CDH12: variants seen among roughly 807,000 people sequenced by gnomAD.
CDH12 encodes cadherin-12.
Under a neutral mutation model 74.1 loss-of-function variants are expected in CDH12, and 41 were observed. The ratio of observed to expected loss-of-function variants is 0.55; its 90% CI spans 0.43 to 0.72. CDH12 has a LOEUF of 0.72. Among genes scored for constraint, CDH12 ranks in the 30% least tolerant of loss-of-function variants. The probability of loss-of-function intolerance (pLI) is 0.00; values close to 1 mark genes in which losing one functional copy is unlikely to be tolerated. For missense variants in CDH12, 945 were observed against 977.2 expected (o/e 0.97, Z 0.44); for synonymous variants, 399 against 355.0 (o/e 1.12, Z -1.39).
intron 3 of CDH12, among the ~76,000 whole-genome samples, chr5:22,399,883 CTG>C (rs1200069023): frequency 8.6e-5 from 13 of 152,016 alleles, no homozygotes; most frequent in Admixed American, 6.5e-4. Context: ...AAAGCTGACT[CTG>C]TGTTTTAACA....
At chr5:22,719,964 T>A (rs1743790229) in intron 1 of CDH12, among the ~76,000 whole-genome samples, 1 of 151,980 alleles carries the variant, frequency 6.6e-6, no homozygotes, top group African/African-American at 2.4e-5. Context: ...TGAAGACACT[T>A]GGGGCCATGC....
intron 4 of CDH12, among the ~76,000 whole-genome samples, chr5:22,116,905 T>C (rs1745151062): frequency 6.7e-6 from 1 of 148,782 alleles, no homozygotes; most frequent in African/African-American, 2.5e-5. Context: ...GTGAACTTTT[T>C]CCATCATTAC....
At chr5:21,947,199 G>T (rs927543874) in intron 6 of CDH12, among the ~76,000 whole-genome samples, 21 of 152,248 alleles carry the variant, frequency 1.4e-4, no homozygotes, top group African/African-American at 5.1e-4. Context: ...CTTTATAGCA[G>T]TGTGAGAACA....
intron 4 of CDH12, among the ~76,000 whole-genome samples, chr5:22,117,515 ATATATATAATAT>A (rs1745237824): frequency 1.1e-5 from 1 of 91,680 alleles, no homozygotes; most frequent in Non-Finnish European, 2.0e-5. Context: ...TATATATAAT[ATATATATAATAT>A]ATATATATAT....
chr5:22,662,428 A>C (rs1740397063), intron 1 of CDH12, among the ~76,000 whole-genome samples: 1 of 152,162 alleles, frequency 6.6e-6, no homozygotes. Context: ...GTTTGGTAGC[A>C]ATGGAAGATG....
chr5:22,616,623 T>C (rs1737703362), intron 1 of CDH12, among the ~76,000 whole-genome samples: 1 of 152,052 alleles, frequency 6.6e-6, no homozygotes, highest in Non-Finnish European at 1.5e-5. Context: ...TATACATACA[T>C]ATAATCTCCA....
intron 2 of CDH12, among the ~76,000 whole-genome samples, chr5:22,438,433 A>G (rs2126536483): frequency 6.6e-6 from 1 of 152,190 alleles, no homozygotes; most frequent in South Asian, 2.1e-4. Context: ...TGATGAGACT[A>G]TTCAGTATTA....
Position 22,078,573 on chromosome 5 carries a change from G to C in CDH12, c.104C>G (p.Pro35Arg). Residue 35 changes from proline to arginine, a missense_variant, in exon 5 of 15, where the codon CCA (proline) becomes CGA (arginine). Pro to Arg is a moderately radical substitution (Grantham distance 103). This residue lies in a region of CDH12 where 148 missense variants were observed against 162.8 expected (regional missense o/e 0.91). Transcript: ENST00000382254. ...PQPQQTLATE[P>R]RENVIHLPGQ... ...TGGCAGATGGATAACATTTTCTCTT[G>C]GCTCTGTGGCTAAAGTCTGCTGTGG... is the stretch of plus-strand genomic sequence containing the variant. 6.2e-7 allele frequency: 1 copy of C among 1,613,934 alleles called. No homozygotes were observed. The highest frequency in any genetic ancestry group is 8.5e-7 in the Non-Finnish European group (1 of 1,179,900).
chr5:22,152,307 G>A (rs189989664), intron 4 of CDH12: 7 of 152,176 alleles, frequency 4.6e-5, no homozygotes. Context: ...TTATGTTGTG[G>A]CAGACAATAT....
At chr5:22,358,145 A>C (rs1740641478) in intron 3 of CDH12, among the ~76,000 whole-genome samples, 1 of 152,168 alleles carries the variant, frequency 6.6e-6, no homozygotes, top group Non-Finnish European at 1.5e-5. Flanking sequence ...GTGGTGGCTC[A>C]GGCCTGTAAT....
intron 1 of CDH12, among the ~76,000 whole-genome samples, chr5:22,662,567 A>G (rs1403159320): frequency 6.6e-6 from 1 of 152,256 alleles, no homozygotes; most frequent in East Asian, 1.9e-4. Context: ...TGCCATAAAC[A>G]GGAAAAATAA....
At position 22,078,643 on chromosome 5, in the gene CDH12, A is replaced by G; in HGVS notation, c.34T>C (p.Trp12Arg). 1.2e-6 allele frequency: 2 copies of G among 1,613,848 alleles called. No individual in the cohort carries two copies. The highest frequency in any genetic ancestry group is 1.7e-6 in the Non-Finnish European group (2 of 1,179,778). Reference sequence around the variant, plus strand: ...AGGAGACCTCCATCAAACAGAACCCAGAGAAGCAGGGATAAACAGTTCCTT... The same window carrying G: ...AGGAGACCTCCATCAAACAGAACCCGGAGAAGCAGGGATAAACAGTTCCTT... ...LTRNCLSLLL[W>R]VLFDGGLLTP... The change falls in exon 5 of 15, where the codon TGG becomes CGG. Residue 12 changes from tryptophan (W) to arginine (R), a missense_variant. Trp to Arg is a moderately radical substitution (Grantham distance 101). Transcript: ENST00000382254.
intron 5 of CDH12, among the ~76,000 whole-genome samples, chr5:22,059,253 C>CTCTATCTATCTATCTATCTA (rs11438319): frequency 6.9e-6 from 1 of 144,216 alleles, no homozygotes; most frequent in Non-Finnish European, 1.5e-5. Context: ...TTTCCTTGTA[C>CTCTATCTATCTATCTATCTA]TCTATCTATC....
At chr5:22,187,654 G>A (rs375722402) in intron 4 of CDH12, among the ~76,000 whole-genome samples, 4,963 of 105,294 alleles carry the variant, frequency 0.047, 170 homozygotes, top group African/African-American at 0.11. Context: ...CTTGAAAGAG[G>A]AAAAAAAAAA....
chr5:22,580,658 A>G (rs917525046), intron 1 of CDH12: 38 of 434,038 alleles, frequency 8.8e-5, no homozygotes, highest in African/African-American at 7.7e-4. Context: ...GCACAGCCTG[A>G]ACAAAGAAGT....
intron 5 of CDH12, among the ~76,000 whole-genome samples, chr5:22,043,679 T>C (rs924921367): frequency 6.6e-6 from 1 of 151,650 alleles, no homozygotes; most frequent in African/African-American, 2.4e-5. Flanking sequence ...CATGATCTTA[T>C]GTATAGAAAA....
intron 5 of CDH12, among the ~76,000 whole-genome samples, chr5:21,999,914 G>T (rs2150142927): frequency 6.6e-6 from 1 of 152,040 alleles, no homozygotes; most frequent in South Asian, 2.1e-4. Flanking sequence ...GCAGTTGGGA[G>T]AATTAAATAA....
Position 21,832,907 on chromosome 5 carries a change from T to C in CDH12, c.814+9254A>G, listed in dbSNP as rs1253683930. 8.9e-3 allele frequency among the ~76,000 whole-genome samples: 718 copies of C among 80,810 alleles called. 12 individuals are homozygous for C. Among genetic ancestry groups the C allele is most frequent in the African/African-American group, 0.057 (700 of 12,366 alleles). The allele number at this position is 80,810 out of a possible 152,430, so 53.0% of individuals were successfully genotyped here. ...ATATTAATATATATCATATAATATATGATATAATATTAATATATATCATAT... is the reference window on the plus strand; with the variant it reads ...ATATTAATATATATCATATAATATACGATATAATATTAATATATATCATAT... On this transcript the variant is annotated intron_variant, in intron 8 of 14. Transcript: ENST00000382254.
chr5:21,946,030 A>G (rs1755563990), intron 6 of CDH12, among the ~76,000 whole-genome samples: 1 of 152,066 alleles, frequency 6.6e-6, no homozygotes. Context: ...GAAAAATGGC[A>G]CATTTCTTAC....
Sources: allele counts gnomAD v4.1 joint callset (sites outside exome capture counted in the v4.1 genomes callset), GRCh38; gene constraint gnomAD v4.1.1; regional missense constraint gnomAD v4.1.1; transcripts MANE v1.5; gene names NCBI Gene and HGNC (gene_info 2026-07-23, HGNC 2026-07-21).